Variants in TNFSF4 observed in about 807,000 individuals in gnomAD.
TNFSF4 encodes TNF superfamily member 4, also known as tumor necrosis factor ligand superfamily member 4.
Under a neutral mutation model 7.3 loss-of-function variants are expected in TNFSF4, and 4 were observed. That is an observed-to-expected ratio of 0.55 (90% CI 0.27 to 1.25). The LOEUF (loss-of-function observed/expected upper bound fraction) is 1.25. TNFSF4 is among the 50% of genes most tolerant of loss of function. TNFSF4 has a pLI of 0.12. For missense variants in TNFSF4, 181 were observed against 208.8 expected, an observed-to-expected ratio of 0.87 and a Z score of 0.82; for synonymous variants, 76 against 83.7, an observed-to-expected ratio of 0.91 and a Z score of 0.50.
chr1:173,420,637 A>C, the TNFSF4 span, among the ~76,000 whole-genome samples: 2 of 152,196 alleles, frequency 1.3e-5, no homozygotes, highest in African/African-American at 4.8e-5. Context: ...CCTACATTTC[A>C]AAAGAAAAGA....
the TNFSF4 span, among the ~76,000 whole-genome samples, chr1:173,285,386 T>C: frequency 6.6e-6 from 1 of 152,180 alleles, no homozygotes; most frequent in Non-Finnish European, 1.5e-5. Context: ...GCTGTGAACA[T>C]TGTTGAAATG....
At chr1:173,258,962 A>G in the TNFSF4 span, among the ~76,000 whole-genome samples, 1 of 152,108 alleles carries the variant, frequency 6.6e-6, no homozygotes, top group Non-Finnish European at 1.5e-5. Context: ...GGAAATTCTC[A>G]GCACAGCACA....
At chr1:173,229,759 C>T in the TNFSF4 span, among the ~76,000 whole-genome samples, 43 of 151,568 alleles carry the variant, frequency 2.8e-4, no homozygotes, top group Non-Finnish European at 5.5e-4. Flanking sequence ...AAATGGAAAA[C>T]AAAAAAAGGC....
chr1:173,363,353 A>G, the TNFSF4 span: 24 of 310,428 alleles, frequency 7.7e-5, no homozygotes, highest in African/African-American at 3.2e-4. Flanking sequence ...GCAGCTATCA[A>G]CTGAGATATC....
chr1:173,217,810 C>T, the TNFSF4 span, among the ~76,000 whole-genome samples: 1 of 152,064 alleles, frequency 6.6e-6, no homozygotes, highest in East Asian at 1.9e-4. Context: ...GCTGGAGTGG[C>T]ATAATCACGA....
the TNFSF4 span, among the ~76,000 whole-genome samples, chr1:173,257,438 G>C: frequency 2.0e-5 from 3 of 152,194 alleles, no homozygotes; most frequent in South Asian, 6.2e-4. Flanking sequence ...CCTTTACAAG[G>C]CTGCCCTCAC....
the TNFSF4 span, among the ~76,000 whole-genome samples, chr1:173,250,585 G>C: frequency 6.6e-6 from 1 of 151,544 alleles, no homozygotes; most frequent in Non-Finnish European, 1.5e-5. Flanking sequence ...TCAGCCTCCC[G>C]AGTAGCTGGG....
At chr1:173,211,011 T>C (rs750829791), upstream of TNFSF4, among the ~76,000 whole-genome samples, 3 of 152,250 alleles carry the variant, frequency 2.0e-5, no homozygotes, top group Non-Finnish European at 4.4e-5. Flanking sequence ...AGGGGGTGCC[T>C]TGTTCTAAAA....
the TNFSF4 span, among the ~76,000 whole-genome samples, chr1:173,345,425 G>C: frequency 1.3e-5 from 2 of 152,188 alleles, no homozygotes; most frequent in Non-Finnish European, 2.9e-5. Flanking sequence ...CCTCAGTATA[G>C]ACAGACCTTG....
At chr1:173,332,861 T>C in the TNFSF4 span, among the ~76,000 whole-genome samples, 1 of 152,052 alleles carries the variant, frequency 6.6e-6, no homozygotes, top group Non-Finnish European at 1.5e-5. Flanking sequence ...AATAAATAAA[T>C]ACATAAATAA....
the TNFSF4 span, among the ~76,000 whole-genome samples, chr1:173,374,021 T>C: frequency 1.3e-5 from 2 of 152,082 alleles, no homozygotes; most frequent in African/African-American, 2.4e-5. Flanking sequence ...AGAAGGCAAA[T>C]GAAACACTCA....
chr1:173,370,041 T>G, the TNFSF4 span, among the ~76,000 whole-genome samples: 1 of 151,996 alleles, frequency 6.6e-6, no homozygotes, highest in African/African-American at 2.4e-5. Flanking sequence ...GGCTATCAGT[T>G]ATGTCCCCTT....
chr1:173,376,505 G>A, the TNFSF4 span, among the ~76,000 whole-genome samples: 1 of 152,198 alleles, frequency 6.6e-6, no homozygotes, highest in Non-Finnish European at 1.5e-5. Flanking sequence ...TCTGGGTTGG[G>A]TGGGGACTCA....
chr1:173,419,841 G>A, the TNFSF4 span, among the ~76,000 whole-genome samples: 13 of 152,186 alleles, frequency 8.5e-5, no homozygotes, highest in African/African-American at 3.1e-4. Flanking sequence ...ATAGCTCCTA[G>A]AGCTGACTCT....
chr1:173,409,656 C>T, the TNFSF4 span, among the ~76,000 whole-genome samples: 1 of 152,180 alleles, frequency 6.6e-6, no homozygotes, highest in Non-Finnish European at 1.5e-5. Context: ...ATTGTGTATT[C>T]CCTGAAGGAC....
chr1:173,373,130 A>G, the TNFSF4 span, among the ~76,000 whole-genome samples: 1 of 152,262 alleles, frequency 6.6e-6, no homozygotes, highest in Non-Finnish European at 1.5e-5. Context: ...CCCATGCTGC[A>G]ATATGGAAAG....
chr1:173,447,014 T>C, the TNFSF4 span, among the ~76,000 whole-genome samples: 3 of 152,326 alleles, frequency 2.0e-5, no homozygotes, highest in South Asian at 4.1e-4. Context: ...CCCTGACTAA[T>C]ACACTGTGGT....
the TNFSF4 span, among the ~76,000 whole-genome samples, chr1:173,395,033 TAGATGATAGATA>T: frequency 0.078 from 8,163 of 105,264 alleles, 296 homozygotes; most frequent in Non-Finnish European, 0.11. Flanking sequence ...GATAGATAGA[TAGATGATAGATA>T]GATAGATAGA....
chr1:173,220,576 T>C, the TNFSF4 span, among the ~76,000 whole-genome samples: 1 of 152,144 alleles, frequency 6.6e-6, no homozygotes, highest in Non-Finnish European at 1.5e-5. Flanking sequence ...AATGTGATGG[T>C]ATTTGGAGGC....
Sources: gnomAD v4.1 joint callset for allele counts (sites outside exome capture counted in the v4.1 genomes callset) on GRCh38, gnomAD v4.1.1 for gene constraint, MANE v1.5 for transcripts, NCBI Gene and HGNC (gene_info 2026-07-23, HGNC 2026-07-21) for gene names.